Variants in SOS1 observed in about 807,000 individuals in gnomAD.
SOS1 encodes SOS Ras/Rac guanine nucleotide exchange factor 1, also known as son of sevenless homolog 1.
In SOS1, 25 loss-of-function variants were observed where a neutral mutation model predicts 157.6. That is an observed-to-expected ratio of 0.16 (90% CI 0.12 to 0.22). SOS1 has a LOEUF of 0.22. Ranked by LOEUF, SOS1 falls within the 10% of genes least tolerant of loss-of-function variation. The pLI is 1.00. For missense variants in SOS1, 1,237 were observed against 1,599.1 expected (o/e 0.77, Z 3.86); for synonymous variants, 528 against 534.0 (o/e 0.99, Z 0.16).
chr2:38,989,200 G>C, intron 21 of SOS1, 70 bp downstream of exon 21: 4 of 1,072,222 alleles, frequency 3.7e-6, no homozygotes, highest in Non-Finnish European at 5.8e-6. Context: ...GTTTTAGCAG[G>C]AAAGGTTACA....
At chr2:39,008,154 C>G (rs766873212) in intron 15 of SOS1, among the ~76,000 whole-genome samples, 1 of 152,122 alleles carries the variant, frequency 6.6e-6, no homozygotes, top group African/African-American at 2.4e-5. Context: ...TAGGAATACC[C>G]TTTTTTGCCC....
chr2:38,984,792 A>G lies in SOS1; in HGVS notation c.*1032T>C, dbSNP rs1668505631. 1 of 152,232 alleles carries G rather than the reference A, an allele frequency of 6.6e-6. No individual in the cohort carries two copies. Among genetic ancestry groups the G allele is most frequent in the Admixed American group, 6.5e-5 (1 of 15,278 alleles). 9.4% of individuals were successfully genotyped at this position (152,232 alleles called of 1,614,324 possible). On this transcript the variant is annotated 3_prime_UTR_variant, in exon 23 of 23. Coordinates refer to ENST00000402219, the MANE Select transcript of SOS1 (RefSeq NM_005633.4). ...AGACCTGCCAGGTATATTATATAACATTCACTATATACATATGATTTAGGC... is the reference window on the plus strand; with the variant it reads ...AGACCTGCCAGGTATATTATATAACGTTCACTATATACATATGATTTAGGC...
At position 39,013,935 on chromosome 2, in the gene SOS1, A is replaced by T. The variant is rs779262456; in HGVS notation, c.1995T>A (p.Asn665Lys). Reference protein sequence around the residue: ...PTEADRIAIENGDQPLSAELK... With the variant: ...PTEADRIAIEKGDQPLSAELK... ...GTTCTGCACTCAAGGGTTGATCTCC[A>T]TTCTCTATAGCTATGCGATCAGCTT... Residue 665 changes from asparagine to lysine, a missense_variant, in exon 12 of 23, where the codon AAT (asparagine) becomes AAA (lysine). Asn to Lys is a moderately conservative substitution (Grantham distance 94). Coordinates refer to ENST00000402219, the MANE Select transcript of SOS1 (RefSeq NM_005633.4). 1 of 1,605,170 alleles carries T rather than the reference A, an allele frequency of 6.2e-7. No homozygotes were observed. The highest frequency in any genetic ancestry group is 2.2e-5 in the East Asian group (1 of 44,740).
At chr2:39,124,259 T>C (rs1673997980), upstream of SOS1, 1 of 152,280 alleles carries the variant, frequency 6.6e-6, no homozygotes, top group Admixed American at 6.5e-5. Context: ...CGTGTAGACG[T>C]AAAAGTGTCG....
chr2:38,989,263 T>TACTA lies in SOS1; in HGVS notation c.3391+3_3391+6dup. The TACTA allele has an allele frequency of 1.9e-6, 3 of 1,585,372 alleles. No homozygotes were observed. The highest frequency in any genetic ancestry group is 2.6e-6 in the Non-Finnish European group (3 of 1,154,232). On this transcript the variant is annotated splice_region_variant and intron_variant, in intron 21 of 22. Transcript: ENST00000402219. Reference sequence around the variant, plus strand: ...AGAATTATGAGTCTTAAACCAAATATACTAACTTGGGCCATGGGGCAGAGT... The same window carrying TACTA: ...AGAATTATGAGTCTTAAACCAAATATACTAACTAACTTGGGCCATGGGGCAGAGT...
At chr2:38,987,856 C>T (rs1464223880) in intron 21 of SOS1, 2 of 387,618 alleles carry the variant, frequency 5.2e-6, no homozygotes, top group South Asian at 2.8e-5. Context: ...CCCATGGTTA[C>T]TCTATTATTG....
At chr2:39,029,470 T>C (rs1288675146) in intron 8 of SOS1, among the ~76,000 whole-genome samples, 1 of 151,300 alleles carries the variant, frequency 6.6e-6, no homozygotes, top group East Asian at 1.9e-4. Context: ...TACCAGAAAA[T>C]AAAATTAGCC....
At chr2:39,123,601 A>G (rs1271965860), upstream of SOS1, among the ~76,000 whole-genome samples, 4 of 150,672 alleles carry the variant, frequency 2.7e-5, no homozygotes, top group Admixed American at 2.6e-4. Flanking sequence ...CAAGCAATCC[A>G]CCCACCTCCG....
At chr2:39,116,475 T>C (rs1673654867) in intron 1 of SOS1, among the ~76,000 whole-genome samples, 1 of 152,266 alleles carries the variant, frequency 6.6e-6, no homozygotes, top group African/African-American at 2.4e-5. Flanking sequence ...ACTAGGCTTC[T>C]AACTTTTCTC....
chr2:39,071,725 A>C (rs1230617680), intron 1 of SOS1, among the ~76,000 whole-genome samples: 2 of 152,216 alleles, frequency 1.3e-5, no homozygotes, highest in Non-Finnish European at 2.9e-5. Flanking sequence ...ACTGTTTTTC[A>C]AAGAAACCCA....
At position 39,024,382 on chromosome 2, in the gene SOS1, T is replaced by C. The variant is rs938331714; in HGVS notation, c.1075-245A>G. Among the ~76,000 whole-genome samples, 7 of 152,076 alleles carry C rather than the reference T, an allele frequency of 4.6e-5. No individual in the cohort carries two copies. The East Asian group carries it at 7.7e-4, about 17-fold the overall frequency. On this transcript the variant is annotated intron_variant, in intron 8 of 22. Coordinates refer to ENST00000402219, the MANE Select transcript of SOS1 (RefSeq NM_005633.4). ...GGTTATATCTTGTGACAGGCAGTAA[T>C]ATGTAGTTTTTCAAGGTGCATACCA...
intron 14 of SOS1, among the ~76,000 whole-genome samples, chr2:39,011,656 T>C (rs1035412696): frequency 6.6e-6 from 1 of 152,230 alleles, no homozygotes; most frequent in Admixed American, 6.5e-5. Flanking sequence ...CAATGTAGTA[T>C]GATTAAAAAA....
chr2:39,115,469 C>CAAT (rs1484180776), intron 1 of SOS1, among the ~76,000 whole-genome samples: 2 of 127,392 alleles, frequency 1.6e-5, no homozygotes, highest in East Asian at 5.1e-4. Flanking sequence ...GGCTGGAGTG[C>CAAT]AATAGCACAA....
chr2:39,052,032 G>A (rs912904060), intron 5 of SOS1, among the ~76,000 whole-genome samples: 3 of 152,030 alleles, frequency 2.0e-5, no homozygotes, highest in African/African-American at 7.2e-5. Context: ...TTTTTTGGAA[G>A]GTGGATACCT....
At chr2:39,026,729 A>G (rs762586309) in intron 8 of SOS1, among the ~76,000 whole-genome samples, 1 of 152,234 alleles carries the variant, frequency 6.6e-6, no homozygotes, top group Non-Finnish European at 1.5e-5. Flanking sequence ...TTAGTCTTTA[A>G]AGCAGCAGAT....
chr2:39,019,917 T>G (rs1669743946), intron 10 of SOS1, among the ~76,000 whole-genome samples: 1 of 151,616 alleles, frequency 6.6e-6, no homozygotes, highest in African/African-American at 2.4e-5. Context: ...TATTGGCAGT[T>G]CAAACCAAGG....
At chr2:39,030,985 G>A (rs763844362) in intron 8 of SOS1, among the ~76,000 whole-genome samples, 2 of 152,102 alleles carry the variant, frequency 1.3e-5, no homozygotes, top group South Asian at 2.1e-4. Flanking sequence ...ACCAAGAATC[G>A]CTGGGGTCCA....
chr2:39,071,964 G>C (rs924016391), intron 1 of SOS1, among the ~76,000 whole-genome samples: 8 of 130,908 alleles, frequency 6.1e-5, no homozygotes, highest in African/African-American at 2.3e-4. Flanking sequence ...TAAGCTATTT[G>C]AATTTCAAAA....
In SOS1 at chr2:39,017,934, T is replaced by C. The variant is rs551033144; in HGVS notation, c.1859-3088A>G. ...GATGATGTAAAGAGCTAAGATAATA[T>C]AAACAAATGCCCATCAATAAGGACA... On this transcript the variant is annotated intron_variant, in intron 10 of 22. Coordinates refer to ENST00000402219, the MANE Select transcript of SOS1 (RefSeq NM_005633.4). 2.6e-5 allele frequency among the ~76,000 whole-genome samples: 4 copies of C among 151,956 alleles called. No homozygotes were observed. The South Asian group carries it at 8.3e-4, about 32-fold the overall frequency.
Sources: gnomAD v4.1 joint callset for allele counts (sites outside exome capture counted in the v4.1 genomes callset) on GRCh38, gnomAD v4.1.1 for gene constraint, MANE v1.5 for transcripts, NCBI Gene and HGNC (gene_info 2026-07-23, HGNC 2026-07-21) for gene names.